Variants in LY6S observed in about 807,000 individuals in gnomAD.
The protein encoded by LY6S is lymphocyte antigen 6 family member S, also known as lymphocyte antigen 6S.
At chr8:143,054,150 C>CA in the LY6S span, 1 of 151,882 alleles carries the variant, frequency 6.6e-6, no homozygotes, top group Non-Finnish European at 1.5e-5. Flanking sequence ...ACTAAAAATA[C>CA]AAAAAATTAG....
chr8:143,067,325 G>C, the LY6S span, among the ~76,000 whole-genome samples: 2 of 152,224 alleles, frequency 1.3e-5, no homozygotes, highest in Non-Finnish European at 2.9e-5. Flanking sequence ...AACATGTGCT[G>C]TATTGAATCA....
the LY6S span, among the ~76,000 whole-genome samples, chr8:143,056,021 T>A: frequency 6.6e-6 from 1 of 151,802 alleles, no homozygotes; most frequent in Non-Finnish European, 1.5e-5. Context: ...GTTTACTAAT[T>A]ATGATTGATT....
the LY6S span, among the ~76,000 whole-genome samples, chr8:143,067,006 G>A: frequency 6.6e-6 from 1 of 152,166 alleles, no homozygotes. Context: ...CCTGGTGGGT[G>A]GTGTTTGGAT....
At chr8:143,042,314 C>G in the LY6S span, 11 of 152,506 alleles carry the variant, frequency 7.2e-5, no homozygotes, top group African/African-American at 2.7e-4. Flanking sequence ...ACAGAAATGA[C>G]AGGCCTGGCC....
the LY6S span, among the ~76,000 whole-genome samples, chr8:143,065,542 G>T: frequency 2.6e-5 from 4 of 152,226 alleles, no homozygotes; most frequent in East Asian, 7.7e-4. Context: ...CATTGGCCAA[G>T]CTGTGTTGCA....
chr8:143,050,891 A>G, the LY6S span, among the ~76,000 whole-genome samples: 1 of 152,254 alleles, frequency 6.6e-6, no homozygotes, highest in African/African-American at 2.4e-5. Context: ...CGCAAAAAGC[A>G]GAGTGAGTCC....
chr8:143,052,301 A>G, the LY6S span, among the ~76,000 whole-genome samples: 1 of 152,170 alleles, frequency 6.6e-6, no homozygotes, highest in Non-Finnish European at 1.5e-5. Context: ...AATTTACATA[A>G]TTATCTCCAT....
At chr8:143,068,884 G>T in the LY6S span, among the ~76,000 whole-genome samples, 1 of 152,156 alleles carries the variant, frequency 6.6e-6, no homozygotes, top group Non-Finnish European at 1.5e-5. Flanking sequence ...CACTGCAGGA[G>T]TGAGCTGGGC....
At chr8:143,046,491 T>C in the LY6S span, among the ~76,000 whole-genome samples, 1 of 147,694 alleles carries the variant, frequency 6.8e-6, no homozygotes, top group Non-Finnish European at 1.5e-5. Context: ...GGCAGGAGAA[T>C]GGCATGAACC....
the LY6S span, among the ~76,000 whole-genome samples, chr8:143,046,861 C>T: frequency 5.9e-5 from 9 of 151,758 alleles, no homozygotes; most frequent in African/African-American, 1.9e-4. Flanking sequence ...AATTAGCTGG[C>T]GTGGTGGCGG....
chr8:143,060,122 A>G, the LY6S span, among the ~76,000 whole-genome samples: 7 of 152,238 alleles, frequency 4.6e-5, no homozygotes, highest in African/African-American at 1.7e-4. Flanking sequence ...CCAGAAGACA[A>G]GAGTGCGAGC....
chr8:143,063,249 TG>T, the LY6S span, among the ~76,000 whole-genome samples: 4 of 152,214 alleles, frequency 2.6e-5, no homozygotes, highest in Non-Finnish European at 5.9e-5. Context: ...ATCCCACTTC[TG>T]GGGGTCACTC....
the LY6S span, chr8:143,042,867 C>A: frequency 1.9e-6 from 1 of 525,312 alleles, no homozygotes; most frequent in Non-Finnish European, 3.4e-6. Flanking sequence ...TGAGGCCCAG[C>A]TCTGAAAAAA....
chr8:143,045,074 C>T, the LY6S span, among the ~76,000 whole-genome samples: 1 of 152,158 alleles, frequency 6.6e-6, no homozygotes, highest in Non-Finnish European at 1.5e-5. The surrounding 1 kb of genome is among the most constrained non-coding windows in gnomAD (Gnocchi z 5.3). Flanking sequence ...TCAGTGAGTC[C>T]TCGGAAGTGA....
chr8:143,066,564 A>G, the LY6S span: 4 of 312,592 alleles, frequency 1.3e-5, no homozygotes, highest in East Asian at 8.6e-5. Flanking sequence ...TGGCATGACC[A>G]TTGTTCCTTC....
At chr8:143,043,531 G>T in the LY6S span, among the ~76,000 whole-genome samples, 4 of 152,192 alleles carry the variant, frequency 2.6e-5, no homozygotes, top group South Asian at 2.1e-4. Context: ...GTGGCAGAAA[G>T]GGCAGCAGGG....
the LY6S span, among the ~76,000 whole-genome samples, chr8:143,046,611 A>G: frequency 6.6e-6 from 1 of 151,938 alleles, no homozygotes. Flanking sequence ...GGAATCTAAC[A>G]TAACTGACTC....
the LY6S span, among the ~76,000 whole-genome samples, chr8:143,054,942 C>T: frequency 2.0e-5 from 3 of 152,180 alleles, no homozygotes; most frequent in Non-Finnish European, 2.9e-5. Flanking sequence ...CCTGCAAAAC[C>T]GAGGGGCCTT....
chr8:143,070,452 AT>A, the LY6S span, among the ~76,000 whole-genome samples: 1 of 51,336 alleles, frequency 1.9e-5, no homozygotes, highest in African/African-American at 7.3e-5. Flanking sequence ...TATTGTATAT[AT>A]ATATATATAT....
Sources: allele counts gnomAD v4.1 joint callset (sites outside exome capture counted in the v4.1 genomes callset), GRCh38; gene constraint gnomAD v4.1.1; non-coding constraint Gnocchi (gnomAD v3.1); transcripts MANE v1.5; gene names NCBI Gene and HGNC (gene_info 2026-07-23, HGNC 2026-07-21).